Variants in ABI3BP observed in about 807,000 individuals in gnomAD.
The protein encoded by ABI3BP is target of Nesh-SH3.
A neutral mutation model predicts 268.6 loss-of-function variants in ABI3BP; 216 were observed. The ratio of observed to expected loss-of-function variants is 0.80; its 90% CI spans 0.72 to 0.90. The LOEUF (loss-of-function observed/expected upper bound fraction) is 0.90, where lower values mean the gene tolerates loss of function less well. Among genes scored for constraint, ABI3BP ranks in the 40% least tolerant of loss-of-function variants. The probability of loss-of-function intolerance (pLI) is 0.00; values close to 1 mark genes in which losing one functional copy is unlikely to be tolerated. For synonymous variants in ABI3BP, 730 were observed against 730.0 expected (o/e 1.00, Z 0.00); for missense variants, 2,090 against 2,182.4 (o/e 0.96, Z 0.84).
chr3:100,859,353 C>T (rs550428744), intron 14 of ABI3BP, among the ~76,000 whole-genome samples: 17 of 152,026 alleles, frequency 1.1e-4, no homozygotes, highest in African/African-American at 3.1e-4. Context: ...AAAGTAATGG[C>T]AAAAACTGCA....
At chr3:100,865,618 G>A (rs2099043153) in intron 10 of ABI3BP, among the ~76,000 whole-genome samples, 2 of 152,142 alleles carry the variant, frequency 1.3e-5, no homozygotes, top group African/African-American at 4.8e-5. Flanking sequence ...AATGTTGCAG[G>A]GCAAGAACAC....
chr3:100,895,198 G>A (rs1422796084), intron 4 of ABI3BP, among the ~76,000 whole-genome samples: 1 of 151,972 alleles, frequency 6.6e-6, no homozygotes, highest in Admixed American at 6.6e-5. Context: ...TTCAAATTGA[G>A]GCTCTATTGA....
At chr3:100,948,108 G>A (rs893975479) in intron 1 of ABI3BP, among the ~76,000 whole-genome samples, 10 of 152,162 alleles carry the variant, frequency 6.6e-5, no homozygotes, top group Admixed American at 1.3e-4. Flanking sequence ...GGGATATAAT[G>A]GGTTAAGGAG....
intron 20 of ABI3BP, chr3:100,843,889 C>G (rs1420572986): frequency 7.1e-6 from 7 of 984,872 alleles, no homozygotes; most frequent in Non-Finnish European, 8.4e-6. Context: ...ATCTTTTAGA[C>G]TTCACAAAAA....
intron 3 of ABI3BP, among the ~76,000 whole-genome samples, chr3:100,899,477 C>T (rs1035532828): frequency 6.6e-6 from 1 of 152,160 alleles, no homozygotes; most frequent in African/African-American, 2.4e-5. Flanking sequence ...AAGGCAAACA[C>T]ATTTTTTAAC....
intron 1 of ABI3BP, among the ~76,000 whole-genome samples, chr3:100,931,428 A>C (rs2063586969): frequency 6.6e-6 from 1 of 152,122 alleles, no homozygotes; most frequent in South Asian, 2.1e-4. Context: ...TTCTCTGCAG[A>C]TAATATAATT....
At chr3:100,811,311 C>T in intron 47 of ABI3BP, 34 bp from the exon 48 acceptor site, 3 of 1,471,530 alleles carry the variant, frequency 2.0e-6, no homozygotes, top group Non-Finnish European at 2.7e-6. Context: ...ATTTTAGAAA[C>T]TGTAAGATAT....
intron 55 of ABI3BP, among the ~76,000 whole-genome samples, chr3:100,789,824 A>T (rs114608045): frequency 7.3e-4 from 111 of 152,148 alleles, no homozygotes; most frequent in African/African-American, 2.5e-3. Flanking sequence ...TTAGCATGAT[A>T]AACCCATAAG....
chr3:100,831,163 T>A (rs2152804969), intron 31 of ABI3BP, among the ~76,000 whole-genome samples: 1 of 152,264 alleles, frequency 6.6e-6, no homozygotes, highest in African/African-American at 2.4e-5. Context: ...GTGTGCTGGA[T>A]CTCTGACATC....
intron 1 of ABI3BP, among the ~76,000 whole-genome samples, chr3:100,957,350 C>A (rs2153803612): frequency 6.6e-6 from 1 of 152,144 alleles, no homozygotes; most frequent in Non-Finnish European, 1.5e-5. Context: ...TTGGGAAAGA[C>A]TACAGGACAG....
chr3:100,902,723 T>C (rs768312438), intron 2 of ABI3BP, 37 bp from the exon 3 acceptor site: 13 of 1,585,620 alleles, frequency 8.2e-6, no homozygotes, highest in African/African-American at 6.7e-5. Flanking sequence ...AAAAACCCTT[T>C]GAGAACCAGC....
In ABI3BP at chr3:100,973,426, G is replaced by A. The variant is rs116560482; in HGVS notation, c.79+19880C>T. ...ATTACTACTGCAAATAATGAGAATC[G>A]ACTGTATTAAGCTCTGGGTTTTTTC... On this transcript the variant is annotated intron_variant, in intron 1 of 67. Coordinates refer to ENST00000471714, the MANE Select transcript of ABI3BP (RefSeq NM_001375547.2). 6.3e-3 allele frequency among the ~76,000 whole-genome samples: 952 copies of A among 152,156 alleles called. 10 individuals are homozygous for A. Among genetic ancestry groups the A allele is most frequent in the African/African-American group, 0.021 (873 of 41,518 alleles).
chr3:100,760,116 G>A (rs1263064915), intron 63 of ABI3BP, among the ~76,000 whole-genome samples: 1 of 152,144 alleles, frequency 6.6e-6, no homozygotes, highest in East Asian at 1.9e-4. Flanking sequence ...AGGATACTTT[G>A]GTAAGTTTCA....
intron 37 of ABI3BP, 46 bp from the exon 38 acceptor site, chr3:100,822,718 G>T: frequency 6.7e-7 from 1 of 1,487,104 alleles, no homozygotes; most frequent in South Asian, 1.2e-5. Context: ...CATTATCTAT[G>T]ATTCTGGAAG....
At chr3:100,849,905 A>T in intron 17 of ABI3BP, 140 bp downstream of exon 17, 1 of 677,354 alleles carries the variant, frequency 1.5e-6, no homozygotes, top group Middle Eastern at 3.6e-4. Flanking sequence ...GATTCTTGGA[A>T]GAATTTCATG....
chr3:100,911,192 C>T (rs2056299877), intron 2 of ABI3BP: 3 of 393,066 alleles, frequency 7.6e-6, no homozygotes, highest in Non-Finnish European at 1.4e-5. Context: ...GCTGGACTAG[C>T]TTCAGGAATG....
At chr3:100,897,058 A>G (rs1046336155) in intron 4 of ABI3BP, among the ~76,000 whole-genome samples, 2 of 145,914 alleles carry the variant, frequency 1.4e-5, no homozygotes, top group African/African-American at 5.1e-5. Flanking sequence ...AAATAAATAA[A>G]ACACTACAAA....
intron 34 of ABI3BP, among the ~76,000 whole-genome samples, chr3:100,826,351 T>C (rs2098384795): frequency 6.6e-6 from 1 of 152,152 alleles, no homozygotes; most frequent in Admixed American, 6.5e-5. Flanking sequence ...GAAATTAATT[T>C]TTTTTGTCTA....
At chr3:100,938,086 G>T (rs1250749306) in intron 1 of ABI3BP, among the ~76,000 whole-genome samples, 1 of 151,906 alleles carries the variant, frequency 6.6e-6, no homozygotes, top group Non-Finnish European at 1.5e-5. Flanking sequence ...ATAAGTGGGG[G>T]CTAAACGATG....
Sources: gnomAD v4.1 joint callset for allele counts (sites outside exome capture counted in the v4.1 genomes callset) on GRCh38, gnomAD v4.1.1 for gene constraint, MANE v1.5 for transcripts, NCBI Gene and HGNC (gene_info 2026-07-23, HGNC 2026-07-21) for gene names.